NPAS3: variants seen among roughly 807,000 people sequenced by gnomAD.
NPAS3 encodes neuronal PAS domain-containing protein 3.
A neutral mutation model predicts 73.1 loss-of-function variants in NPAS3; 14 were observed. That is an observed-to-expected ratio of 0.19 (90% CI 0.13 to 0.30). The LOEUF (loss-of-function observed/expected upper bound fraction) is 0.30, where lower values mean the gene tolerates loss of function less well. Among genes scored for constraint, NPAS3 ranks in the 10% least tolerant of loss-of-function variants. The probability of loss-of-function intolerance (pLI) is 1.00; values close to 1 mark genes in which losing one functional copy is unlikely to be tolerated. For missense variants in NPAS3, 1,096 were observed against 1,250.0 expected, an observed-to-expected ratio of 0.88 and a Z score of 1.86; for synonymous variants, 620 against 541.5, an observed-to-expected ratio of 1.14 and a Z score of -2.01.
chr14:33,537,562 G>A (rs12100683), intron 4 of NPAS3, among the ~76,000 whole-genome samples: 16,419 of 152,186 alleles, frequency 0.11, 2,728 homozygotes, highest in African/African-American at 0.36. Context: ...AAATATACCA[G>A]TGAGATCATC....
upstream of NPAS3, among the ~76,000 whole-genome samples, chr14:32,935,370 C>T (rs1433191901): frequency 6.6e-6 from 1 of 152,160 alleles, no homozygotes; most frequent in Non-Finnish European, 1.5e-5. Context: ...GATGCGGACC[C>T]GCGCATACGG....
intron 6 of NPAS3, among the ~76,000 whole-genome samples, chr14:33,719,776 G>A (rs1045228691): frequency 6.6e-6 from 1 of 152,084 alleles, no homozygotes; most frequent in African/African-American, 2.4e-5. Context: ...GAAGTGAACC[G>A]TCATATGGTA....
chr14:33,465,027 G>T (rs534812590), intron 4 of NPAS3, among the ~76,000 whole-genome samples: 1 of 152,208 alleles, frequency 6.6e-6, no homozygotes, highest in African/African-American at 2.4e-5. Flanking sequence ...ATCTTGCTTT[G>T]ATGTGTTTAA....
chr14:33,458,563 G>A (rs1481424686), intron 4 of NPAS3, among the ~76,000 whole-genome samples: 1 of 152,142 alleles, frequency 6.6e-6, no homozygotes, highest in Non-Finnish European at 1.5e-5. Context: ...CTTGAAGAAG[G>A]AAACATAACA....
chr14:33,273,578 A>C (rs974106751), intron 3 of NPAS3, among the ~76,000 whole-genome samples: 1 of 152,226 alleles, frequency 6.6e-6, no homozygotes, highest in Non-Finnish European at 1.5e-5. Flanking sequence ...AGAGATACTT[A>C]AGATTATGAC....
At chr14:33,123,770 C>A (rs2043320717) in intron 2 of NPAS3, among the ~76,000 whole-genome samples, 1 of 151,238 alleles carries the variant, frequency 6.6e-6, no homozygotes, top group Admixed American at 6.6e-5. Context: ...TGTTGAGTTT[C>A]TTTTTTGGCA....
chr14:32,955,281 C>T (rs944350839), intron 1 of NPAS3, among the ~76,000 whole-genome samples: 7 of 152,038 alleles, frequency 4.6e-5, no homozygotes, highest in South Asian at 4.1e-4. Flanking sequence ...AATTAATTAT[C>T]GAAGTGTACT....
intron 3 of NPAS3, among the ~76,000 whole-genome samples, chr14:33,363,198 A>G (rs1293627921): frequency 6.6e-6 from 1 of 152,102 alleles, no homozygotes; most frequent in Non-Finnish European, 1.5e-5. Flanking sequence ...GCCTCCCCTG[A>G]GGTGAGGAGC....
At chr14:33,481,233 G>A (rs1364278808) in intron 4 of NPAS3, among the ~76,000 whole-genome samples, 1 of 152,134 alleles carries the variant, frequency 6.6e-6, no homozygotes, top group East Asian at 1.9e-4. Context: ...ATTATAAGGG[G>A]TAACATCTAT....
At chr14:33,132,058 C>G (rs1346635511) in intron 2 of NPAS3, among the ~76,000 whole-genome samples, 3 of 151,930 alleles carry the variant, frequency 2.0e-5, no homozygotes, top group Non-Finnish European at 4.4e-5. Context: ...TTAAGTGGTT[C>G]ATGTATTCAT....
intron 2 of NPAS3, among the ~76,000 whole-genome samples, chr14:33,117,535 G>A (rs973535864): frequency 6.6e-6 from 1 of 152,060 alleles, no homozygotes; most frequent in Non-Finnish European, 1.5e-5. Flanking sequence ...TTGCTATGGC[G>A]ATTTAGGTTT....
intron 4 of NPAS3, among the ~76,000 whole-genome samples, chr14:33,476,022 G>A (rs1015393424): frequency 1.4e-4 from 22 of 152,186 alleles, no homozygotes; most frequent in African/African-American, 5.3e-4. Context: ...GCTTTCCCTG[G>A]TGAAGAATAA....
In NPAS3 at chr14:33,679,280, A is replaced by G. The variant is rs148049293; in HGVS notation, c.733+2895A>G. Among the ~76,000 whole-genome samples, 27 of 152,348 alleles carry G rather than the reference A, an allele frequency of 1.8e-4. No homozygotes were observed. The East Asian group carries it at 5.0e-3, about 28-fold the overall frequency. On this transcript the variant is annotated intron_variant, in intron 6 of 11. Transcript: ENST00000356141. ...GTTGGTTATTTTCTATCTGGGGCTTAAAAGAGCAATGAGATTGACTGACTG... is the reference window on the plus strand; with the variant it reads ...GTTGGTTATTTTCTATCTGGGGCTTGAAAGAGCAATGAGATTGACTGACTG...
At chr14:33,682,531 C>A (rs1815017664) in intron 6 of NPAS3, among the ~76,000 whole-genome samples, 1 of 152,172 alleles carries the variant, frequency 6.6e-6, no homozygotes, top group African/African-American at 2.4e-5. Context: ...ACAAGGACTA[C>A]CTTGCCAAAC....
chr14:33,565,718 A>G (rs1279402278), intron 5 of NPAS3, among the ~76,000 whole-genome samples: 1 of 152,200 alleles, frequency 6.6e-6, no homozygotes, highest in Non-Finnish European at 1.5e-5. Flanking sequence ...CAAAAAAGGT[A>G]TTATTTCAAC....
intron 9 of NPAS3, among the ~76,000 whole-genome samples, chr14:33,789,689 C>G (rs1455501754): frequency 6.9e-6 from 1 of 145,616 alleles, no homozygotes; most frequent in Non-Finnish European, 1.5e-5. Flanking sequence ...CCCGGGTTCA[C>G]GCCATTCTCC....
At chr14:33,658,303 C>T (rs899719017) in intron 5 of NPAS3, among the ~76,000 whole-genome samples, 3 of 152,170 alleles carry the variant, frequency 2.0e-5, no homozygotes, top group Non-Finnish European at 4.4e-5. Flanking sequence ...AGAGGAGAAA[C>T]AAGAACAGAC....
At chr14:33,047,374 C>G (rs2040546060) in intron 1 of NPAS3, among the ~76,000 whole-genome samples, 1 of 152,166 alleles carries the variant, frequency 6.6e-6, no homozygotes, top group South Asian at 2.1e-4. Flanking sequence ...ATGCTGCCAT[C>G]CTTTCCTCCT....
At chr14:33,703,602 T>G (rs879543323) in intron 6 of NPAS3, among the ~76,000 whole-genome samples, 72 of 152,234 alleles carry the variant, frequency 4.7e-4, no homozygotes, top group Non-Finnish European at 8.8e-4. Flanking sequence ...GTTTTAAATT[T>G]TAATGTTATC....
Sources: allele counts gnomAD v4.1 joint callset (sites outside exome capture counted in the v4.1 genomes callset), GRCh38; gene constraint gnomAD v4.1.1; transcripts MANE v1.5; gene names NCBI Gene and HGNC (gene_info 2026-07-23, HGNC 2026-07-21).